Variants in CPA6 observed in about 807,000 individuals in gnomAD.
CPA6 encodes carboxypeptidase B.
CPA6 carries 58 observed loss-of-function variants against 63.3 expected under a neutral mutation model. That is an observed-to-expected ratio of 0.92 (90% CI 0.74 to 1.14). CPA6 has a LOEUF of 1.14. CPA6 is among the 50% of genes most tolerant of loss of function. The pLI, the probability that CPA6 is intolerant of heterozygous loss-of-function variation, is 0.00. For synonymous variants in CPA6, 185 were observed against 179.0 expected (o/e 1.03, Z -0.27); for missense variants, 565 against 526.6 (o/e 1.07, Z -0.71).
At position 67,484,768 on chromosome 8, in the gene CPA6, C is replaced by T. The variant is rs1315292609; in HGVS notation, c.658G>A (p.Asp220Asn). The change falls in exon 7 of 11, where the codon GAC becomes AAC. Residue 220 changes from aspartate (D) to asparagine (N), a missense_variant. By Grantham distance (23) the Asp-to-Asn change is conservative. Coordinates refer to ENST00000297770, the MANE Select transcript of CPA6 (RefSeq NM_020361.5). ...TTCAACATTTTTCTCATGGCTGGGT[C>T]ACTCTTATATGTTAGAAGAGCCTAA... ...VKEALLTYKS[D>N]PAMRKMLNHL... 2.1e-5 allele frequency: 33 copies of T among 1,604,920 alleles called. No individual in the cohort carries two copies. Among genetic ancestry groups the T allele is most frequent in the Non-Finnish European group, 2.7e-5 (32 of 1,172,156 alleles).
At chr8:67,702,486 G>T (rs1404978944) in intron 1 of CPA6, among the ~76,000 whole-genome samples, 1 of 152,042 alleles carries the variant, frequency 6.6e-6, no homozygotes, top group East Asian at 1.9e-4. Context: ...AAAAGTCTCT[G>T]TAAAATAATA....
chr8:67,499,869 T>C (rs1289839836), intron 6 of CPA6, among the ~76,000 whole-genome samples: 1 of 152,234 alleles, frequency 6.6e-6, no homozygotes, highest in East Asian at 1.9e-4. Context: ...GGTATGGATG[T>C]ACTACAGTTT....
At chr8:67,598,656 A>G (rs911378855) in intron 2 of CPA6, among the ~76,000 whole-genome samples, 3 of 152,202 alleles carry the variant, frequency 2.0e-5, no homozygotes, top group African/African-American at 7.2e-5. Flanking sequence ...CTGTTATGGC[A>G]TCAAAAATAG....
At chr8:67,697,063 G>A (rs1407752606) in intron 1 of CPA6, among the ~76,000 whole-genome samples, 1 of 152,184 alleles carries the variant, frequency 6.6e-6, no homozygotes, top group East Asian at 1.9e-4. Flanking sequence ...TTTGCCCTGA[G>A]GAAATAGTCT....
chr8:67,740,432 G>T (rs1817890101), intron 1 of CPA6, among the ~76,000 whole-genome samples: 1 of 152,226 alleles, frequency 6.6e-6, no homozygotes. Flanking sequence ...TAGCCAGAGA[G>T]GTAAGGTAGA....
At chr8:67,701,513 C>T (rs1165821618) in intron 1 of CPA6, among the ~76,000 whole-genome samples, 1 of 152,160 alleles carries the variant, frequency 6.6e-6, no homozygotes, top group Non-Finnish European at 1.5e-5. Flanking sequence ...CTTTAGAGAA[C>T]AAAAGTACAC....
At chr8:67,563,289 C>G (rs183249463) in intron 2 of CPA6, among the ~76,000 whole-genome samples, 1 of 152,226 alleles carries the variant, frequency 6.6e-6, no homozygotes, top group African/African-American at 2.4e-5. Flanking sequence ...GAGACAGCTG[C>G]CTGGGTTGCA....
intron 8 of CPA6, among the ~76,000 whole-genome samples, chr8:67,461,938 A>C (rs1167539312): frequency 6.6e-6 from 1 of 152,172 alleles, no homozygotes; most frequent in African/African-American, 2.4e-5. Context: ...AAAGCTAATA[A>C]GCAAGGAGAA....
rs371020800 is a variant in CPA6 at position 67,503,817 on chromosome 8, C to T, written c.636+2970G>A. 8.6e-5 allele frequency among the ~76,000 whole-genome samples: 13 copies of T among 152,038 alleles called. No individual in the cohort carries two copies. The South Asian group carries it at 1.0e-3, about 12-fold the overall frequency. On this transcript the variant is annotated intron_variant, in intron 6 of 10. Transcript: ENST00000297770. ...TTGTTACATAGGTTTACATGTGCCACGGTGGTTTGCTGTGCCTATCAACAG... is the reference window on the plus strand; with the variant it reads ...TTGTTACATAGGTTTACATGTGCCATGGTGGTTTGCTGTGCCTATCAACAG...
chr8:67,468,305 T>C (rs1005846529), intron 8 of CPA6, among the ~76,000 whole-genome samples: 2 of 151,996 alleles, frequency 1.3e-5, no homozygotes, highest in African/African-American at 4.8e-5. Context: ...GAAATTGATG[T>C]GCCCTGGCTG....
intron 6 of CPA6, 106 bp from the exon 7 acceptor site, chr8:67,484,895 A>C: frequency 1.8e-6 from 1 of 560,146 alleles, no homozygotes; most frequent in Non-Finnish European, 3.2e-6. Context: ...ACGGTGGTTT[A>C]AAAAGTCATA....
At chr8:67,529,171 A>G (rs1218098692) in intron 2 of CPA6, among the ~76,000 whole-genome samples, 2 of 152,086 alleles carry the variant, frequency 1.3e-5, no homozygotes, top group Admixed American at 1.3e-4. Context: ...TTAAAAAAAA[A>G]TGTTGGAATA....
rs182718517 is a variant in CPA6, at chr8:67,481,467, T to C, written c.838+2301A>G. On this transcript the variant is annotated intron_variant, in intron 8 of 10. Coordinates refer to ENST00000297770, the MANE Select transcript of CPA6 (RefSeq NM_020361.5). ...ATGAAGTATTCAAAAAGTATGCCTG[T>C]CTGTACTTGCATGCTGGACTATTCC... 3.9e-5 allele frequency among the ~76,000 whole-genome samples: 6 copies of C among 152,378 alleles called. No individual in the cohort carries two copies. In the South Asian group the frequency reaches 8.3e-4, roughly 21 times the overall value.
At chr8:67,729,420 C>T (rs1265494021) in intron 1 of CPA6, among the ~76,000 whole-genome samples, 1 of 152,170 alleles carries the variant, frequency 6.6e-6, no homozygotes, top group Admixed American at 6.5e-5. Flanking sequence ...ATACTGGCAA[C>T]TTATTGTGAT....
intron 1 of CPA6, among the ~76,000 whole-genome samples, chr8:67,690,692 G>A (rs905878853): frequency 2.6e-5 from 4 of 152,096 alleles, no homozygotes; most frequent in Non-Finnish European, 5.9e-5. Flanking sequence ...AGAAGAGGAA[G>A]CATTAGAAGG....
intron 10 of CPA6, among the ~76,000 whole-genome samples, chr8:67,426,216 G>A (rs557025649): frequency 1.3e-5 from 2 of 152,244 alleles, no homozygotes; most frequent in African/African-American, 4.8e-5. Context: ...TGATCCACCC[G>A]CTTTGGCCTT....
At chr8:67,430,041 C>T (rs1194780438) in intron 9 of CPA6, among the ~76,000 whole-genome samples, 11 of 151,454 alleles carry the variant, frequency 7.3e-5, no homozygotes, top group Non-Finnish European at 1.5e-4. Flanking sequence ...TTCAGTGATC[C>T]CTCTTTTTTC....
rs181177430 is a variant in CPA6 at position 67,720,359 on chromosome 8, G to A, written c.116+25655C>T. Among the ~76,000 whole-genome samples, 5 of 152,330 alleles carry A rather than the reference G, an allele frequency of 3.3e-5. No individual in the cohort carries two copies. The East Asian group carries it at 7.7e-4, about 23-fold the overall frequency. ...TTCAGTTACTTCAGGCCATCTGGGCGGATATGTGCAAGTCACAGGGGATGC... is the reference window on the plus strand; with the variant it reads ...TTCAGTTACTTCAGGCCATCTGGGCAGATATGTGCAAGTCACAGGGGATGC... On this transcript the variant is annotated intron_variant, in intron 1 of 10. Transcript: ENST00000297770.
intron 8 of CPA6, chr8:67,483,418 A>T: frequency 3.1e-6 from 1 of 322,576 alleles, no homozygotes; most frequent in Non-Finnish European, 5.9e-6. Flanking sequence ...TGGTGCTTGT[A>T]TGAAAAGGAT....
Sources: allele counts gnomAD v4.1 joint callset (sites outside exome capture counted in the v4.1 genomes callset), GRCh38; gene constraint gnomAD v4.1.1; transcripts MANE v1.5; gene names NCBI Gene and HGNC (gene_info 2026-07-23, HGNC 2026-07-21).